HNF1B: variants seen among roughly 807,000 people sequenced by gnomAD.
HNF1B encodes HNF1 homeobox B.
HNF1B carries 8 observed loss-of-function variants against 61.7 expected under a neutral mutation model. That is an observed-to-expected ratio of 0.13 (90% CI 0.08 to 0.23). The LOEUF (loss-of-function observed/expected upper bound fraction) is 0.23, where lower values mean the gene tolerates loss of function less well. Ranked by LOEUF, HNF1B falls within the 10% of genes least tolerant of loss-of-function variation. The pLI, the probability that HNF1B is intolerant of heterozygous loss-of-function variation, is 1.00. For synonymous variants in HNF1B, 314 were observed against 287.7 expected, an observed-to-expected ratio of 1.09 and a Z score of -0.93; for missense variants, 562 against 714.5, an observed-to-expected ratio of 0.79 and a Z score of 2.43.
chr17:37,733,088 A>C (rs1363807458), intron 3 of HNF1B, among the ~76,000 whole-genome samples: 1 of 152,188 alleles, frequency 6.6e-6, no homozygotes, highest in Non-Finnish European at 1.5e-5. Flanking sequence ...GGACCACTGC[A>C]TGTCTGACAA....
intron 5 of HNF1B, among the ~76,000 whole-genome samples, chr17:37,706,676 T>TAAAAA (rs35797632): frequency 7.6e-6 from 1 of 131,140 alleles, no homozygotes. Flanking sequence ...TACCAGTCAT[T>TAAAAA]AAAAAAAAAA....
intron 4 of HNF1B, among the ~76,000 whole-genome samples, chr17:37,718,895 G>A (rs982745581): frequency 6.6e-6 from 1 of 152,176 alleles, no homozygotes; most frequent in African/African-American, 2.4e-5. Context: ...TTGAGTGGTG[G>A]TGAAGTGACT....
intron 8 of HNF1B, among the ~76,000 whole-genome samples, chr17:37,690,968 G>A (rs913989698): frequency 6.6e-6 from 1 of 152,162 alleles, no homozygotes. Flanking sequence ...CAGATGAGAA[G>A]AGGCCAAAGA....
At chr17:37,696,005 G>T (rs1413981478) in intron 8 of HNF1B, among the ~76,000 whole-genome samples, 2 of 152,138 alleles carry the variant, frequency 1.3e-5, no homozygotes, top group Admixed American at 6.5e-5. Context: ...GGGGTGGAAT[G>T]ATATGGTCTG....
At chr17:37,695,171 T>C (rs2032342612) in intron 8 of HNF1B, among the ~76,000 whole-genome samples, 1 of 152,228 alleles carries the variant, frequency 6.6e-6, no homozygotes, top group African/African-American at 2.4e-5. Context: ...CTGCACAGCC[T>C]TGGGACACTG....
intron 4 of HNF1B, chr17:37,731,183 A>G (rs1249596779): frequency 6.4e-6 from 2 of 312,986 alleles, no homozygotes; most frequent in African/African-American, 4.3e-5. Context: ...ATGGCCAGAG[A>G]TGGAGGAGGT....
At chr17:37,723,301 C>T (rs1168499207) in intron 4 of HNF1B, among the ~76,000 whole-genome samples, 8 of 151,554 alleles carry the variant, frequency 5.3e-5, no homozygotes, top group Admixed American at 6.6e-5. Flanking sequence ...GAGCCGAGAT[C>T]GCGCCACTGC....
chr17:37,721,188 C>T (rs1425496218), intron 4 of HNF1B, among the ~76,000 whole-genome samples: 1 of 152,086 alleles, frequency 6.6e-6, no homozygotes, highest in Non-Finnish European at 1.5e-5. Flanking sequence ...ATAGGTGTCT[C>T]GTTTATACCC....
At chr17:37,691,921 C>A (rs1195029706) in intron 8 of HNF1B, among the ~76,000 whole-genome samples, 1 of 152,154 alleles carries the variant, frequency 6.6e-6, no homozygotes, top group Admixed American at 6.5e-5. Context: ...GGGGCCCTCT[C>A]TTCACCTTCC....
At position 37,715,853 on chromosome 17, in the gene HNF1B, C is replaced by T. The variant is rs553603586; in HGVS notation, c.1046-5190G>A. 7.9e-5 allele frequency among the ~76,000 whole-genome samples: 12 copies of T among 152,212 alleles called. No homozygotes were observed. In the South Asian group the frequency reaches 2.3e-3, roughly 29 times the overall value. The stretch of plus-strand genomic sequence containing the variant: ...TCTTATCTTTTAAAAATGTGTTGGC[C>T]GGGCACGGTGGCTCATGCCTGTAAT... On this transcript the variant is annotated intron_variant, in intron 4 of 8. Transcript: ENST00000617811.
intron 2 of HNF1B, among the ~76,000 whole-genome samples, chr17:37,737,601 C>T (rs1015652818): frequency 1.2e-4 from 18 of 151,408 alleles, no homozygotes; most frequent in African/African-American, 3.2e-4. Context: ...GCTGAGGCGG[C>T]GGATCACGAG....
chr17:37,691,202 G>A (rs757657650), intron 8 of HNF1B, among the ~76,000 whole-genome samples: 4 of 152,212 alleles, frequency 2.6e-5, no homozygotes, highest in Non-Finnish European at 4.4e-5. Context: ...GAGGCGTGAG[G>A]ATAAAGGCCA....
chr17:37,739,325 A>C, intron 2 of HNF1B, 115 bp downstream of exon 2: 1 of 964,784 alleles, frequency 1.0e-6, no homozygotes, highest in Admixed American at 1.8e-5. Flanking sequence ...CACCTTCCTC[A>C]TATCTGCCAA....
chr17:37,708,782 C>T (rs1176259112), intron 5 of HNF1B, among the ~76,000 whole-genome samples: 2 of 152,134 alleles, frequency 1.3e-5, no homozygotes, highest in Admixed American at 1.3e-4. Context: ...CAAAATGCCT[C>T]CCCCAGGAAT....
chr17:37,717,327 C>A (rs999558839), intron 4 of HNF1B, among the ~76,000 whole-genome samples: 5 of 152,186 alleles, frequency 3.3e-5, no homozygotes, highest in African/African-American at 1.2e-4. Context: ...CAGCCACCAA[C>A]AGAGTAAACA....
chr17:37,716,842 A>ATCTCTATCTCTCTC, intron 4 of HNF1B, among the ~76,000 whole-genome samples: 3 of 131,288 alleles, frequency 2.3e-5, no homozygotes, highest in African/African-American at 2.8e-5. Context: ...CACTTTAACA[A>ATCTCTATCTCTCTC]TCTCTCTCTC....
At chr17:37,689,244 G>A (rs1445426046) in intron 8 of HNF1B, among the ~76,000 whole-genome samples, 12 of 151,568 alleles carry the variant, frequency 7.9e-5, no homozygotes, top group Non-Finnish European at 1.8e-4. Flanking sequence ...ACGTTGGTCA[G>A]GGTCCTCTGA....
chr17:37,716,554 A>G (rs1345313397), intron 4 of HNF1B, among the ~76,000 whole-genome samples: 1 of 152,154 alleles, frequency 6.6e-6, no homozygotes, highest in African/African-American at 2.4e-5. Context: ...TTCTTATCAC[A>G]TGGCTTAGCA....
chr17:37,691,594 C>T (rs551234953), intron 8 of HNF1B, among the ~76,000 whole-genome samples: 9 of 152,252 alleles, frequency 5.9e-5, no homozygotes, highest in African/African-American at 1.9e-4. Context: ...TTGGGACATG[C>T]GCTGAGTGAA....
Sources: gnomAD v4.1 joint callset for allele counts (sites outside exome capture counted in the v4.1 genomes callset) on GRCh38, gnomAD v4.1.1 for gene constraint, MANE v1.5 for transcripts, NCBI Gene and HGNC (gene_info 2026-07-23, HGNC 2026-07-21) for gene names.